SIN3A: variants seen among roughly 807,000 people sequenced by gnomAD.
SIN3A encodes SIN3 transcription regulator family member A.
A neutral mutation model predicts 146.1 loss-of-function variants in SIN3A; 14 were observed. The ratio of observed to expected loss-of-function variants is 0.10; its 90% CI spans 0.06 to 0.15. SIN3A has a LOEUF of 0.15. Among genes scored for constraint, SIN3A ranks in the 10% least tolerant of loss-of-function variants. SIN3A has a pLI of 1.00. For synonymous variants in SIN3A, 572 were observed against 572.0 expected (o/e 1.00, Z 0.00); for missense variants, 1,028 against 1,576.0 (o/e 0.65, Z 5.89).
chr15:75,394,580 G>C (rs1046714404), intron 14 of SIN3A, 100 bp downstream of exon 14: 2 of 921,836 alleles, frequency 2.2e-6, no homozygotes, highest in African/African-American at 1.7e-5. Flanking sequence ...ACAGGTCTTA[G>C]AGAGTCTCAC....
At chr15:75,382,947 C>T (rs1424476986) in intron 17 of SIN3A, among the ~76,000 whole-genome samples, 1 of 152,026 alleles carries the variant, frequency 6.6e-6, no homozygotes, top group Non-Finnish European at 1.5e-5. Flanking sequence ...ACAAGCTGGC[C>T]ATGGTGGCAC....
At chr15:75,416,054 G>C (rs1214363647) in intron 3 of SIN3A, 2 of 283,344 alleles carry the variant, frequency 7.1e-6, no homozygotes, top group Non-Finnish European at 1.4e-5. Context: ...TGTACTTCTG[G>C]TGACTGTAAA....
chr15:75,455,724 G>A (rs1290249075), upstream of SIN3A: 1 of 152,238 alleles, frequency 6.6e-6, no homozygotes, highest in Non-Finnish European at 1.5e-5. Flanking sequence ...CGAGCGGCCG[G>A]CGGACTAGCC....
chr15:75,449,267 T>C (rs2074359568), intron 1 of SIN3A, among the ~76,000 whole-genome samples: 1 of 152,214 alleles, frequency 6.6e-6, no homozygotes, highest in African/African-American at 2.4e-5. Context: ...GCAACTTCCT[T>C]AGCAGAGAAG....
Position 75,380,921 on chromosome 15 carries a change from G to A in SIN3A, c.3289-198C>T, listed in dbSNP as rs1234393443. 9.6e-6 allele frequency: 5 copies of A among 520,826 alleles called. No individual in the cohort carries two copies. The East Asian group carries it at 1.7e-4, about 17-fold the overall frequency. The allele number at this position is 520,826 out of a possible 1,614,324, so 32.3% of individuals were successfully genotyped here. A position where few individuals can be genotyped will look rare whatever the true frequency, so the allele number is the denominator to read the frequency against. ...AAAAATTCTGTTAGCCAGCAATACT[G>A]CTAAGTTTCTGAGGTGCTAAGGTTA... On this transcript the variant is annotated intron_variant, in intron 18 of 20. Coordinates refer to ENST00000394947, the MANE Select transcript of SIN3A (RefSeq NM_001145358.2).
chr15:75,405,928 C>A (rs1018379042), intron 9 of SIN3A, among the ~76,000 whole-genome samples: 2 of 152,078 alleles, frequency 1.3e-5, no homozygotes, highest in African/African-American at 4.8e-5. Flanking sequence ...AGAGCACCAA[C>A]CGCCCAAGCA....
At chr15:75,387,064 C>T (rs2073098085) in intron 16 of SIN3A, among the ~76,000 whole-genome samples, 1 of 152,180 alleles carries the variant, frequency 6.6e-6, no homozygotes, top group Non-Finnish European at 1.5e-5. Context: ...GCCTTGGACT[C>T]CCAAAGTGCT....
At chr15:75,397,672 G>A (rs2073330313) in intron 12 of SIN3A, among the ~76,000 whole-genome samples, 4 of 152,132 alleles carry the variant, frequency 2.6e-5, no homozygotes, top group South Asian at 2.1e-4. Flanking sequence ...GATTGGTAAC[G>A]CACATTCCTT....
chr15:75,392,660 C>T lies in SIN3A; in HGVS notation c.2433G>A (p.Lys811=), dbSNP rs147371006. The T allele has an allele frequency of 2.4e-5, 39 of 1,614,178 alleles. No individual in the cohort carries two copies. The highest frequency in any genetic ancestry group is 3.3e-4 in the Middle Eastern group (2 of 6,062). ...TAAAATGATGCATGATTTGTTTTAT[C>T]TTATATTTGTCCTCCTTCTGAATGC... ...QTGIQKEDKY[K]IKQIMHHFIP... is the part of the protein sequence containing the mutation. Residue 811 remains lysine (K), a synonymous_variant, in exon 15 of 21, where the codon AAG becomes AAA. Transcript: ENST00000394947.
At chr15:75,374,135 C>T (rs2072809590) in intron 20 of SIN3A, among the ~76,000 whole-genome samples, 2 of 152,318 alleles carry the variant, frequency 1.3e-5, no homozygotes, top group East Asian at 1.9e-4. Context: ...AGGCACCATC[C>T]TTGATGTCCT....
At chr15:75,413,097 T>G in intron 4 of SIN3A, 52 bp from the exon 5 acceptor site, 1 of 1,523,324 alleles carries the variant, frequency 6.6e-7, no homozygotes, top group Non-Finnish European at 8.8e-7. Context: ...ACAAACACCC[T>G]GTTAAGAAAA....
At chr15:75,425,965 G>T (rs2073917035) in intron 2 of SIN3A, among the ~76,000 whole-genome samples, 1 of 152,160 alleles carries the variant, frequency 6.6e-6, no homozygotes, top group East Asian at 1.9e-4. Flanking sequence ...GGTGTATTAA[G>T]AGTAAAAAGA....
At chr15:75,450,872 G>A (rs985696172) in intron 1 of SIN3A, among the ~76,000 whole-genome samples, 1 of 152,222 alleles carries the variant, frequency 6.6e-6, no homozygotes, top group South Asian at 2.1e-4. Flanking sequence ...CCCGGGGCCT[G>A]GGCGGGGTGC....
intron 10 of SIN3A, 118 bp downstream of exon 10, chr15:75,401,734 A>G (rs564585519): frequency 1.8e-5 from 12 of 661,142 alleles, no homozygotes; most frequent in Non-Finnish European, 2.7e-6. Flanking sequence ...TGGCACTAAC[A>G]TTTGAGTCAA....
upstream of SIN3A, chr15:75,453,669 A>C (rs966059437): frequency 1.1e-4 from 17 of 152,328 alleles, no homozygotes; most frequent in Admixed American, 1.1e-3. Context: ...AGGAAAGAAC[A>C]GACACTTGCA....
chr15:75,424,090 CT>C (rs2073884891), intron 2 of SIN3A, among the ~76,000 whole-genome samples: 1 of 152,152 alleles, frequency 6.6e-6, no homozygotes, highest in Admixed American at 6.6e-5. Context: ...GGGACCACAA[CT>C]TTTATAAAAA....
intron 17 of SIN3A, among the ~76,000 whole-genome samples, chr15:75,383,689 C>T (rs780755674): frequency 4.6e-5 from 7 of 152,114 alleles, no homozygotes; most frequent in Non-Finnish European, 8.8e-5. Context: ...CCACTACGCC[C>T]GGCTAATTTT....
chr15:75,446,162 A>G (rs2074303266), intron 1 of SIN3A: 1 of 152,130 alleles, frequency 6.6e-6, no homozygotes, highest in African/African-American at 2.4e-5. Flanking sequence ...GTAGGCAGTG[A>G]CAGGTATCAA....
intron 2 of SIN3A, among the ~76,000 whole-genome samples, chr15:75,425,210 G>A (rs571173937): frequency 2.6e-5 from 4 of 152,152 alleles, no homozygotes; most frequent in South Asian, 4.2e-4. Context: ...TCGCTCTATC[G>A]CCCAGGCTGG....
Sources: allele counts gnomAD v4.1 joint callset (sites outside exome capture counted in the v4.1 genomes callset), GRCh38; gene constraint gnomAD v4.1.1; transcripts MANE v1.5; gene names NCBI Gene and HGNC (gene_info 2026-07-23, HGNC 2026-07-21).